The following ITPR2 variants were observed in gnomAD, a reference collection of about 807,000 sequenced individuals.
ITPR2 encodes the protein inositol 1,4,5-trisphosphate-gated calcium channel ITPR2.
Under a neutral mutation model 317.1 loss-of-function variants are expected in ITPR2, and 207 were observed. The ratio of observed to expected loss-of-function variants is 0.65; its 90% CI spans 0.58 to 0.73. The LOEUF (loss-of-function observed/expected upper bound fraction) is 0.73. ITPR2 is among the 30% of genes least tolerant of loss of function. ITPR2 has a pLI of 0.00. For synonymous variants in ITPR2, 1,156 were observed against 1,149.1 expected (o/e 1.01, Z -0.12); for missense variants, 2,613 against 3,284.0 (o/e 0.80, Z 4.99).
intron 37 of ITPR2, among the ~76,000 whole-genome samples, chr12:26,512,239 A>T (rs1943372857): frequency 6.6e-6 from 1 of 151,288 alleles, no homozygotes; most frequent in African/African-American, 2.4e-5. Flanking sequence ...CCACAAGAAG[A>T]TTCCTTGTGG....
chr12:26,806,699 C>T (rs1413043861), intron 1 of ITPR2, among the ~76,000 whole-genome samples: 1 of 152,172 alleles, frequency 6.6e-6, no homozygotes, highest in Non-Finnish European at 1.5e-5. Flanking sequence ...TGCCACCATG[C>T]CTGGGTAATT....
intron 42 of ITPR2, among the ~76,000 whole-genome samples, chr12:26,483,046 C>G (rs1942581600): frequency 6.6e-6 from 1 of 152,130 alleles, no homozygotes; most frequent in Non-Finnish European, 1.5e-5. Context: ...CCTTGATTGA[C>G]CCAAGTGTCC....
chr12:26,767,025 T>C (rs1949732602), intron 2 of ITPR2, among the ~76,000 whole-genome samples: 4 of 152,128 alleles, frequency 2.6e-5, no homozygotes, highest in Admixed American at 2.6e-4. Context: ...TAAGCCTAGG[T>C]TTTTTTCCTT....
chr12:26,571,336 C>T (rs1945154871), intron 34 of ITPR2, among the ~76,000 whole-genome samples: 1 of 152,006 alleles, frequency 6.6e-6, no homozygotes, highest in South Asian at 2.1e-4. Flanking sequence ...ACATTAATGG[C>T]AATAGATAAA....
chr12:26,795,814 T>G (rs1423776438), intron 1 of ITPR2, among the ~76,000 whole-genome samples: 1 of 151,986 alleles, frequency 6.6e-6, no homozygotes, highest in Non-Finnish European at 1.5e-5. Context: ...CAAAACCCTA[T>G]CGCTACAAAA....
intron 45 of ITPR2, among the ~76,000 whole-genome samples, chr12:26,446,303 A>ATGG (rs976986820): frequency 1.3e-5 from 2 of 152,066 alleles, no homozygotes; most frequent in Admixed American, 6.6e-5. Context: ...ATTCAGCTGT[A>ATGG]TGGGTATACG....
At chr12:26,799,092 T>G (rs1050657131) in intron 1 of ITPR2, among the ~76,000 whole-genome samples, 2 of 152,250 alleles carry the variant, frequency 1.3e-5, no homozygotes, top group African/African-American at 4.8e-5. Context: ...GTATGTTTAA[T>G]TCCATATATA....
At position 26,666,085 on chromosome 12, in the gene ITPR2, A is replaced by G. The variant is rs768327700; in HGVS notation, c.1410-34T>C. ...AAATGAAAAGGAAATTTTACTTTAC[A>G]GTGTGCTTAATTTTGGAAAATGTAT... On this transcript the variant is annotated intron_variant, in intron 13 of 56. Transcript: ENST00000381340. The G allele has an allele frequency of 4.4e-6, 7 of 1,589,492 alleles. No individual in the cohort carries two copies. In the African/African-American group the frequency reaches 9.5e-5, roughly 22 times the overall value.
chr12:26,574,245 C>T (rs1945226001), intron 34 of ITPR2, among the ~76,000 whole-genome samples: 1 of 151,384 alleles, frequency 6.6e-6, no homozygotes, highest in African/African-American at 2.4e-5. Context: ...CTATTCTAAC[C>T]TTCAAAAGTT....
At chr12:26,666,460 A>T (rs1947634947) in intron 13 of ITPR2, among the ~76,000 whole-genome samples, 2 of 152,184 alleles carry the variant, frequency 1.3e-5, no homozygotes, top group Non-Finnish European at 2.9e-5. Context: ...ACACCACCAG[A>T]TGCCTTTCCA....
At chr12:26,712,703 G>C (rs541325425) in intron 8 of ITPR2, among the ~76,000 whole-genome samples, 1 of 151,812 alleles carries the variant, frequency 6.6e-6, no homozygotes, top group East Asian at 1.9e-4. Flanking sequence ...TAAATGCTAA[G>C]GTTAACAAAT....
intron 44 of ITPR2, 23 bp from the exon 45 acceptor site, chr12:26,475,441 T>C (rs763701452): frequency 3.1e-6 from 5 of 1,599,524 alleles, no homozygotes; most frequent in Non-Finnish European, 4.3e-6. Flanking sequence ...AAAAAGAATA[T>C]TGAAATGCCA....
At chr12:26,639,887 T>C (rs1946946137) in intron 21 of ITPR2, among the ~76,000 whole-genome samples, 1 of 152,148 alleles carries the variant, frequency 6.6e-6, no homozygotes, top group South Asian at 2.1e-4. Flanking sequence ...ACATTTGGGT[T>C]GGTTCCAAGT....
intron 10 of ITPR2, among the ~76,000 whole-genome samples, chr12:26,692,772 G>A (rs1411579052): frequency 6.6e-6 from 1 of 151,878 alleles, no homozygotes; most frequent in Non-Finnish European, 1.5e-5. Context: ...GCAACATTTT[G>A]ATAAATGTTT....
intron 9 of ITPR2, 117 bp from the exon 10 acceptor site, chr12:26,695,767 C>A: frequency 4.4e-6 from 3 of 674,482 alleles, no homozygotes; most frequent in South Asian, 1.9e-5. Flanking sequence ...TAAAAAGATG[C>A]TAAGAAAGAA....
At chr12:26,794,225 T>A (rs1950390334) in intron 1 of ITPR2, among the ~76,000 whole-genome samples, 3 of 152,204 alleles carry the variant, frequency 2.0e-5, no homozygotes, top group Admixed American at 1.3e-4. Flanking sequence ...GAATGGAATT[T>A]TAACTGGACA....
intron 21 of ITPR2, among the ~76,000 whole-genome samples, chr12:26,640,537 C>T (rs145145584): frequency 3.3e-5 from 5 of 152,008 alleles, no homozygotes; most frequent in South Asian, 4.2e-4. Context: ...AGACATGGTA[C>T]AAGTCCCCCA....
chr12:26,390,499 A>G (rs1939799960), intron 54 of ITPR2, among the ~76,000 whole-genome samples: 1 of 152,234 alleles, frequency 6.6e-6, no homozygotes, highest in Non-Finnish European at 1.5e-5. Flanking sequence ...AGCTAGGTGC[A>G]AAAGCCCACA....
intron 37 of ITPR2, among the ~76,000 whole-genome samples, chr12:26,544,386 C>T (rs748800843): frequency 6.6e-6 from 1 of 152,032 alleles, no homozygotes; most frequent in Non-Finnish European, 1.5e-5. Flanking sequence ...AATCTAATTA[C>T]ATTTAGTTAC....
Sources: allele counts gnomAD v4.1 joint callset (sites outside exome capture counted in the v4.1 genomes callset), GRCh38; gene constraint gnomAD v4.1.1; transcripts MANE v1.5; gene names NCBI Gene and HGNC (gene_info 2026-07-23, HGNC 2026-07-21).